NDST4: variants seen among roughly 807,000 people sequenced by gnomAD.
NDST4 encodes the protein N-heparan sulfate sulfotransferase 4.
In NDST4, 63 loss-of-function variants were observed where a neutral mutation model predicts 100.8. That is an observed-to-expected ratio of 0.62 (90% CI 0.51 to 0.77). The LOEUF is 0.77. NDST4 is among the 30% of genes least tolerant of loss of function. The pLI, the probability that NDST4 is intolerant of heterozygous loss-of-function variation, is 0.00. For missense variants in NDST4, 943 were observed against 1,018.4 expected (o/e 0.93, Z 1.01); for synonymous variants, 377 against 361.8 (o/e 1.04, Z -0.48).
intron 2 of NDST4, among the ~76,000 whole-genome samples, chr4:115,012,736 A>G (rs904611539): frequency 8.6e-5 from 4 of 46,546 alleles, no homozygotes; most frequent in Admixed American, 5.5e-4. Context: ...AAATACCTGT[A>G]CTCTCATGTT....
chr4:114,926,257 T>C (rs1273588647), intron 6 of NDST4, among the ~76,000 whole-genome samples: 1 of 152,110 alleles, frequency 6.6e-6, no homozygotes, highest in Non-Finnish European at 1.5e-5. Context: ...TGTCGAAGTA[T>C]GCTTTTGAAA....
At chr4:115,099,256 C>A (rs538695449) in intron 1 of NDST4, among the ~76,000 whole-genome samples, 2 of 151,880 alleles carry the variant, frequency 1.3e-5, no homozygotes, top group African/African-American at 2.4e-5. Flanking sequence ...ATCTAGATGA[C>A]CTTGATTTTT....
At chr4:115,024,878 G>C (rs77275720) in intron 2 of NDST4, among the ~76,000 whole-genome samples, 9,163 of 152,252 alleles carry the variant, frequency 0.06, 355 homozygotes, top group Middle Eastern at 0.099. Context: ...TAGGCCATCA[G>C]GGTTTTTCTC....
intron 4 of NDST4, among the ~76,000 whole-genome samples, chr4:114,942,288 C>A (rs574138334): frequency 1.3e-3 from 198 of 152,234 alleles, no homozygotes; most frequent in Admixed American, 2.1e-3. Flanking sequence ...TAAGATAGGG[C>A]TTCTACCTTC....
intron 2 of NDST4, among the ~76,000 whole-genome samples, chr4:115,021,248 A>G (rs1294386438): frequency 0.01 from 1,376 of 132,626 alleles, 37 homozygotes; most frequent in African/African-American, 0.054. Flanking sequence ...TTCCACATAT[A>G]TATATTCCAC....
chr4:115,071,618 T>C (rs1459063030), intron 2 of NDST4, among the ~76,000 whole-genome samples: 2 of 152,094 alleles, frequency 1.3e-5, no homozygotes, highest in South Asian at 4.1e-4. Flanking sequence ...TCTTTTATAC[T>C]ATTTCAGAGT....
Position 115,076,794 on chromosome 4 carries a change from A to T in NDST4, c.243T>A (p.Leu81=). The T allele has an allele frequency of 6.2e-7, 1 of 1,613,968 alleles. No homozygotes were observed. Among genetic ancestry groups the T allele is most frequent in the South Asian group, 1.1e-5 (1 of 91,080 alleles). The part of the protein sequence containing the change: ...IDTSKTDPTV[L]LFVESQYSQL... ...GAGAGTATTGGCTCTCCACGAAGAG[A>T]AGGACAGTAGGGTCCGTTTTGGATG... is the stretch of plus-strand genomic sequence containing the variant. Residue 81 remains leucine, a synonymous_variant, in exon 2 of 14, where the codon CTT becomes CTA. Transcript: ENST00000264363.
chr4:114,884,493 A>G (rs2126203010), intron 6 of NDST4, among the ~76,000 whole-genome samples: 1 of 152,278 alleles, frequency 6.6e-6, no homozygotes, highest in Non-Finnish European at 1.5e-5. Context: ...GAGAGTTCTC[A>G]ACAAACATAT....
chr4:115,083,502 C>T lies in NDST4; in HGVS notation c.-246-6220G>A, dbSNP rs563856073. ...GAAAACACAAAAATTATTATATAAA[C>T]ATTTAACTATTTGTTCATATACATT... On this transcript the variant is annotated intron_variant, in intron 1 of 13. Transcript: ENST00000264363. 7.2e-5 allele frequency among the ~76,000 whole-genome samples: 11 copies of T among 152,262 alleles called. 1 individual carries two copies. The East Asian group carries it at 1.9e-3, about 27-fold the overall frequency.
At chr4:114,899,263 C>T (rs1233748944) in intron 6 of NDST4, among the ~76,000 whole-genome samples, 2 of 152,092 alleles carry the variant, frequency 1.3e-5, no homozygotes, top group African/African-American at 4.8e-5. Context: ...CTGCAACCTC[C>T]GCCTCCCAGG....
chr4:114,974,291 A>G (rs1016747040), intron 3 of NDST4, among the ~76,000 whole-genome samples: 33 of 152,048 alleles, frequency 2.2e-4, no homozygotes, highest in Admixed American at 1.4e-3. Context: ...GCAAAAAACA[A>G]AAAATCACAG....
intron 7 of NDST4, 120 bp from the exon 8 acceptor site, chr4:114,852,941 C>A (rs1437087461): frequency 8.6e-6 from 5 of 584,448 alleles, no homozygotes; most frequent in Non-Finnish European, 1.5e-5. Context: ...GGAGTTAGAC[C>A]TCACTCTCGT....
At chr4:114,868,117 AT>A (rs905508664) in intron 7 of NDST4, among the ~76,000 whole-genome samples, 4 of 152,174 alleles carry the variant, frequency 2.6e-5, no homozygotes, top group Non-Finnish European at 4.4e-5. Flanking sequence ...TGAATTGAAA[AT>A]CTAAAGAAAA....
At chr4:114,969,157 C>CA (rs1250804238) in intron 4 of NDST4, among the ~76,000 whole-genome samples, 2 of 151,420 alleles carry the variant, frequency 1.3e-5, no homozygotes, top group Non-Finnish European at 2.9e-5. Context: ...ACTAAAAATA[C>CA]AAAAAAATTA....
chr4:115,026,560 T>C (rs1727989338), intron 2 of NDST4, among the ~76,000 whole-genome samples: 1 of 152,040 alleles, frequency 6.6e-6, no homozygotes, highest in Non-Finnish European at 1.5e-5. Context: ...AAAAAAGCAA[T>C]AATATTGACT....
intron 6 of NDST4, among the ~76,000 whole-genome samples, chr4:114,900,018 A>G (rs1234618368): frequency 6.6e-6 from 1 of 152,154 alleles, no homozygotes; most frequent in Non-Finnish European, 1.5e-5. Flanking sequence ...TAATAGATAT[A>G]ATCCTAATAA....
chr4:115,014,323 T>C (rs189457467), intron 2 of NDST4, among the ~76,000 whole-genome samples: 2 of 152,180 alleles, frequency 1.3e-5, no homozygotes, highest in East Asian at 1.9e-4. Flanking sequence ...AATGACATCA[T>C]ATTGATTAGA....
chr4:114,925,651 T>G (rs1725372580), intron 6 of NDST4, among the ~76,000 whole-genome samples: 1 of 152,172 alleles, frequency 6.6e-6, no homozygotes, highest in East Asian at 1.9e-4. Context: ...ACACCACTCT[T>G]TCAGGCACAT....
intron 2 of NDST4, among the ~76,000 whole-genome samples, chr4:115,050,777 A>T (rs1039243326): frequency 6.6e-6 from 1 of 152,160 alleles, no homozygotes; most frequent in African/African-American, 2.4e-5. Context: ...CAAAAGAGCA[A>T]TTATTAGTTA....
Sources: allele counts gnomAD v4.1 joint callset (sites outside exome capture counted in the v4.1 genomes callset), GRCh38; gene constraint gnomAD v4.1.1; transcripts MANE v1.5; gene names NCBI Gene and HGNC (gene_info 2026-07-23, HGNC 2026-07-21).